GPC5: variants seen among roughly 807,000 people sequenced by gnomAD.
The protein encoded by GPC5 is glypican-5.
In GPC5, 47 loss-of-function variants were observed where a neutral mutation model predicts 53.9. That is an observed-to-expected ratio of 0.87 (90% confidence interval 0.69 to 1.11). GPC5 has a LOEUF of 1.11. Among genes scored for constraint, GPC5 ranks in the 50% most tolerant of loss-of-function variants. The probability of loss-of-function intolerance (pLI) is 0.00; values close to 1 mark genes in which losing one functional copy is unlikely to be tolerated. For synonymous variants in GPC5, 286 were observed against 263.3 expected (o/e 1.09, Z -0.84); for missense variants, 748 against 713.1 (o/e 1.05, Z -0.56).
chr13:92,163,198 A>G (rs2042002827), intron 7 of GPC5, among the ~76,000 whole-genome samples: 3 of 152,124 alleles, frequency 2.0e-5, no homozygotes. Flanking sequence ...ATGGTGATTC[A>G]CGCCTGTAAT....
chr13:92,301,318 T>G (rs1379493516), intron 7 of GPC5, among the ~76,000 whole-genome samples: 1 of 152,150 alleles, frequency 6.6e-6, no homozygotes, highest in African/African-American at 2.4e-5. Context: ...TATTGGAAAT[T>G]GGAGAAAGAA....
chr13:91,980,693 G>T (rs1019737616), intron 6 of GPC5, among the ~76,000 whole-genome samples: 1 of 152,106 alleles, frequency 6.6e-6, no homozygotes, highest in Non-Finnish European at 1.5e-5. Context: ...ATAGCTACTT[G>T]AATTTTTACT....
chr13:92,179,601 C>G (rs1466376703), intron 7 of GPC5, among the ~76,000 whole-genome samples: 1 of 152,206 alleles, frequency 6.6e-6, no homozygotes, highest in Non-Finnish European at 1.5e-5. Context: ...AATGAGTAGG[C>G]ATAGCACTTG....
intron 2 of GPC5, among the ~76,000 whole-genome samples, chr13:91,673,437 G>T (rs1339494864): frequency 1.3e-5 from 2 of 151,958 alleles, no homozygotes; most frequent in African/African-American, 4.8e-5. Context: ...ATAACAACTG[G>T]TTGTTCACTT....
At chr13:92,769,443 C>T (rs1191835759) in intron 7 of GPC5, among the ~76,000 whole-genome samples, 4 of 151,422 alleles carry the variant, frequency 2.6e-5, no homozygotes, top group Admixed American at 6.6e-5. Context: ...ATTAAAGCAG[C>T]GTTGGCTGGG....
At chr13:91,898,009 A>G (rs9583968) in intron 5 of GPC5, among the ~76,000 whole-genome samples, 3,350 of 152,270 alleles carry the variant, frequency 0.022, 120 homozygotes, top group African/African-American at 0.075. Context: ...AAACAAAAAC[A>G]ATTCAGAGAG....
intron 7 of GPC5, among the ~76,000 whole-genome samples, chr13:92,556,340 T>A (rs9523716): frequency 6.6e-6 from 1 of 151,684 alleles, no homozygotes; most frequent in Non-Finnish European, 1.5e-5. Flanking sequence ...TTATTAATAG[T>A]TCAGGTATCT....
At chr13:91,946,404 T>C (rs1475478692) in intron 6 of GPC5, among the ~76,000 whole-genome samples, 4 of 152,202 alleles carry the variant, frequency 2.6e-5, no homozygotes. Context: ...CTACCTCTTT[T>C]CAGAAAATTT....
At chr13:91,491,228 T>G (rs998474151) in intron 2 of GPC5, among the ~76,000 whole-genome samples, 2 of 152,172 alleles carry the variant, frequency 1.3e-5, no homozygotes, top group African/African-American at 2.4e-5. Context: ...AGTCACCAGA[T>G]TTTTTTAAAA....
At chr13:92,460,046 G>A (rs547900324) in intron 7 of GPC5, among the ~76,000 whole-genome samples, 2 of 151,738 alleles carry the variant, frequency 1.3e-5, no homozygotes, top group Non-Finnish European at 2.9e-5. Context: ...TCAAGGAGAA[G>A]TATTGTTATG....
intron 6 of GPC5, among the ~76,000 whole-genome samples, chr13:91,955,650 C>CATGGGCCCTA (rs1465877291): frequency 6.6e-6 from 1 of 152,176 alleles, no homozygotes; most frequent in Non-Finnish European, 1.5e-5. Context: ...CCTCAACCCT[C>CATGGGCCCTA]ATGGGCCCTA....
intron 5 of GPC5, among the ~76,000 whole-genome samples, chr13:91,824,678 C>T (rs2038548893): frequency 6.6e-6 from 1 of 151,758 alleles, no homozygotes; most frequent in Non-Finnish European, 1.5e-5. Context: ...TGGCATACCT[C>T]CAATAAATGT....
chr13:92,707,332 C>T (rs1809052971), intron 7 of GPC5, among the ~76,000 whole-genome samples: 2 of 152,232 alleles, frequency 1.3e-5, no homozygotes, highest in South Asian at 4.1e-4. Flanking sequence ...GAAAGCTGAA[C>T]CTAACAGAGA....
chr13:91,626,784 A>G (rs898979159), intron 2 of GPC5, among the ~76,000 whole-genome samples: 1 of 152,018 alleles, frequency 6.6e-6, no homozygotes, highest in African/African-American at 2.4e-5. Flanking sequence ...CTCGTCATTT[A>G]CATTAGGTAT....
intron 7 of GPC5, among the ~76,000 whole-genome samples, chr13:92,849,750 T>C (rs145992149): frequency 6.6e-6 from 1 of 152,314 alleles, no homozygotes; most frequent in African/African-American, 2.4e-5. Flanking sequence ...GGGCCAAAAA[T>C]ATTTAAAGGG....
chr13:92,322,198 T>C (rs556862095), intron 7 of GPC5, among the ~76,000 whole-genome samples: 23 of 152,072 alleles, frequency 1.5e-4, no homozygotes, highest in Admixed American at 2.6e-4. Flanking sequence ...GTCATGCATA[T>C]AGTAAGTGCA....
rs1196625097 is a variant in GPC5 at position 91,469,867 on chromosome 13, A to C, written c.325+20945A>C. Among the ~76,000 whole-genome samples the C allele has an allele frequency of 2.0e-5, 3 of 152,142 alleles. No individual in the cohort carries two copies. In the East Asian group the frequency reaches 5.8e-4, roughly 30 times the overall value. ...CCAGCCTGGCCAACATGATGAAACC[A>C]CGTCTCTACTAAAAATACAAAAATT... On this transcript the variant is annotated intron_variant, in intron 2 of 7. Coordinates refer to ENST00000377067, the MANE Select transcript of GPC5 (RefSeq NM_004466.6).
chr13:92,371,388 G>T (rs879402269), intron 7 of GPC5, among the ~76,000 whole-genome samples: 1 of 152,096 alleles, frequency 6.6e-6, no homozygotes, highest in Non-Finnish European at 1.5e-5. Context: ...GATTATCCTG[G>T]ATTATCTGGT....
chr13:91,813,976 A>G (rs988276053), intron 5 of GPC5, among the ~76,000 whole-genome samples: 3 of 118,392 alleles, frequency 2.5e-5, no homozygotes, highest in Non-Finnish European at 4.8e-5. Context: ...TCTGTCACCC[A>G]GGCTGGAGTG....
Sources: allele counts gnomAD v4.1 joint callset (sites outside exome capture counted in the v4.1 genomes callset), GRCh38; gene constraint gnomAD v4.1.1; transcripts MANE v1.5; gene names NCBI Gene and HGNC (gene_info 2026-07-23, HGNC 2026-07-21).